C19orf47: variants seen among roughly 807,000 people sequenced by gnomAD.
The protein encoded by C19orf47 is chromosome 19 open reading frame 47.
C19orf47 carries 18 observed loss-of-function variants against 32.3 expected under a neutral mutation model. That is an observed-to-expected ratio of 0.56 (90% CI 0.39 to 0.83). The LOEUF (loss-of-function observed/expected upper bound fraction) is 0.83. Ranked by LOEUF, C19orf47 falls within the 40% of genes least tolerant of loss-of-function variation. C19orf47 has a pLI of 0.00. For synonymous variants in C19orf47, 202 were observed against 211.1 expected (o/e 0.96, Z 0.37); for missense variants, 484 against 531.6 (o/e 0.91, Z 0.88).
chr19:40,327,313 CTTT>C (rs753817564), intron 6 of C19orf47, among the ~76,000 whole-genome samples: 8 of 139,058 alleles, frequency 5.8e-5, no homozygotes, highest in Non-Finnish European at 6.3e-5. Context: ...CCCGCCCAGC[CTTT>C]TTTTTTTTTT....
intron 5 of C19orf47, among the ~76,000 whole-genome samples, chr19:40,331,812 G>A (rs1371408295): frequency 6.6e-6 from 1 of 152,104 alleles, no homozygotes; most frequent in African/African-American, 2.4e-5. Context: ...CAAGGTGGGT[G>A]GATCACCTAC....
chr19:40,317,864 C>G (rs2077673643), downstream of C19orf47, among the ~76,000 whole-genome samples: 1 of 151,982 alleles, frequency 6.6e-6, no homozygotes, highest in Non-Finnish European at 1.5e-5. Context: ...TGATTACAGG[C>G]GTGCACCAAC....
rs546638620 is a variant in C19orf47, at chr19:40,340,114, CT to C, written c.19+1724del. Among the ~76,000 whole-genome samples the C allele has an allele frequency of 2.5e-3, 375 of 150,944 alleles. 4 individuals are homozygous for C. The highest frequency in any genetic ancestry group is 8.5e-3 in the African/African-American group (349 of 41,106). On this transcript the variant is annotated intron_variant, in intron 2 of 8. Transcript: ENST00000683109. ...ACTCTCGGGGGGCTGACAATATTCT[CT>C]TTTTTTTGACCTGGATGGGTAATAG...
At chr19:40,341,039 A>C (rs1212018343) in intron 2 of C19orf47, among the ~76,000 whole-genome samples, 1 of 151,096 alleles carries the variant, frequency 6.6e-6, no homozygotes, top group Non-Finnish European at 1.5e-5. Flanking sequence ...AAACTATACA[A>C]ATATATTTTA....
chr19:40,336,015 G>T, intron 4 of C19orf47, 95 bp downstream of exon 4: 1 of 1,123,436 alleles, frequency 8.9e-7, no homozygotes, highest in Non-Finnish European at 1.3e-6. Flanking sequence ...ACCTGGGTCG[G>T]CCTGCCTCTG....
chr19:40,327,855 G>A (rs994719280), intron 6 of C19orf47, among the ~76,000 whole-genome samples: 4 of 152,206 alleles, frequency 2.6e-5, no homozygotes, highest in Admixed American at 6.5e-5. Flanking sequence ...GGGAGCAAGC[G>A]AGCATGCAAA....
chr19:40,312,330 G>A, the C19orf47 span, among the ~76,000 whole-genome samples: 5 of 152,096 alleles, frequency 3.3e-5, no homozygotes, highest in Non-Finnish European at 5.9e-5. Context: ...GTCGGATCAC[G>A]AGGTCGAGAT....
chr19:40,332,351 T>C (rs1448378646), intron 5 of C19orf47, among the ~76,000 whole-genome samples: 4 of 147,062 alleles, frequency 2.7e-5, no homozygotes, highest in South Asian at 2.1e-4. Flanking sequence ...CGAGACTATC[T>C]CAAGGGAAAA....
chr19:40,340,617 C>T (rs2078157871), intron 2 of C19orf47, among the ~76,000 whole-genome samples: 1 of 151,168 alleles, frequency 6.6e-6, no homozygotes, highest in Non-Finnish European at 1.5e-5. Context: ...GGAGGCAGAG[C>T]TTGCAGTGAG....
At chr19:40,348,431 T>C, upstream of C19orf47, 1 of 1,490,912 alleles carries the variant, frequency 6.7e-7, no homozygotes, top group Non-Finnish European at 8.9e-7. Context: ...GGAAGCATCC[T>C]CTCACCGCCG....
chr19:40,319,069 C>T (rs1455000754), downstream of C19orf47, among the ~76,000 whole-genome samples: 3 of 151,950 alleles, frequency 2.0e-5, no homozygotes, highest in East Asian at 3.9e-4. Flanking sequence ...GTCAGGAGTT[C>T]GAGACCAGCC....
intron 6 of C19orf47, among the ~76,000 whole-genome samples, chr19:40,327,404 T>C (rs954306267): frequency 3.3e-5 from 5 of 151,494 alleles, no homozygotes; most frequent in Admixed American, 2.6e-4. Flanking sequence ...TCCTCCTGCC[T>C]CAGCCTCCCA....
intron 2 of C19orf47, among the ~76,000 whole-genome samples, chr19:40,338,314 T>C (rs1291497134): frequency 2.0e-5 from 3 of 147,926 alleles, no homozygotes; most frequent in Admixed American, 6.8e-5. Context: ...TACACATATA[T>C]ATACACAAAT....
At position 40,328,497 on chromosome 19, in the gene C19orf47, G is replaced by C; in HGVS notation, c.355C>G (p.Pro119Ala). ...GTGCTGGTGTCCGGGCGCCTGGGGGGTGTGCTGGGTGGAGAGTCATGGTTC... is the reference window on the plus strand; with the variant it reads ...GTGCTGGTGTCCGGGCGCCTGGGGGCTGTGCTGGGTGGAGAGTCATGGTTC... Reference protein sequence around the residue: ...SLNHDSPPSTPPRRPDTSTSK... With the variant: ...SLNHDSPPSTAPRRPDTSTSK... Residue 119 changes from proline (P) to alanine (A), a missense_variant, in exon 6 of 9, where the codon CCC (proline) becomes GCC (alanine). Pro to Ala is a conservative substitution (Grantham distance 27, BLOSUM62 -1). Coordinates refer to ENST00000683109, the MANE Select transcript of C19orf47 (RefSeq NM_001256441.2). The C allele has an allele frequency of 6.2e-7, 1 of 1,611,864 alleles. No individual in the cohort carries two copies. The highest frequency in any genetic ancestry group is 8.5e-7 in the Non-Finnish European group (1 of 1,179,028).
At chr19:40,317,952 C>G (rs576500694), downstream of C19orf47, among the ~76,000 whole-genome samples, 134 of 152,206 alleles carry the variant, frequency 8.8e-4, 2 homozygotes, top group Non-Finnish European at 2.8e-4. Context: ...CTCCTGACTT[C>G]CAAGTGATCC....
At chr19:40,347,552 A>C (rs1408741243) in intron 1 of C19orf47, among the ~76,000 whole-genome samples, 2 of 152,112 alleles carry the variant, frequency 1.3e-5, no homozygotes, top group Admixed American at 6.6e-5. Context: ...AAAAAGAAGA[A>C]GACAGCAATG....
chr19:40,347,830 C>G (rs2145640086), intron 1 of C19orf47, among the ~76,000 whole-genome samples: 1 of 152,242 alleles, frequency 6.6e-6, no homozygotes, highest in Admixed American at 6.6e-5. Flanking sequence ...CTGTGCCAGC[C>G]CCTCTGCTTA....
intron 2 of C19orf47, among the ~76,000 whole-genome samples, chr19:40,339,756 G>A (rs573185776): frequency 6.6e-6 from 1 of 152,062 alleles, no homozygotes; most frequent in African/African-American, 2.4e-5. Context: ...CGGATCACCT[G>A]AGGTCAGGAG....
chr19:40,315,859 G>A (rs908334439), downstream of C19orf47, among the ~76,000 whole-genome samples: 2 of 152,092 alleles, frequency 1.3e-5, no homozygotes, highest in African/African-American at 2.4e-5. Flanking sequence ...TCAGGAGGCT[G>A]AGGCAATAGG....
Sources: gnomAD v4.1 joint callset for allele counts (sites outside exome capture counted in the v4.1 genomes callset) on GRCh38, gnomAD v4.1.1 for gene constraint, MANE v1.5 for transcripts, NCBI Gene and HGNC (gene_info 2026-07-23, HGNC 2026-07-21) for gene names.